STARD13: variants seen among roughly 807,000 people sequenced by gnomAD.
The protein encoded by STARD13 is StAR related lipid transfer domain containing 13.
STARD13 carries 62 observed loss-of-function variants against 106.4 expected under a neutral mutation model. That is an observed-to-expected ratio of 0.58 (90% confidence interval 0.48 to 0.72). The LOEUF is 0.72. Ranked by LOEUF, STARD13 falls within the 30% of genes least tolerant of loss-of-function variation. The pLI is 0.00. For missense variants in STARD13, 1,387 were observed against 1,424.0 expected (o/e 0.97, Z 0.42); for synonymous variants, 565 against 553.0 (o/e 1.02, Z -0.31).
the STARD13 span, among the ~76,000 whole-genome samples, chr13:33,490,368 G>T: frequency 3.3e-5 from 5 of 152,210 alleles, no homozygotes; most frequent in African/African-American, 1.2e-4. Flanking sequence ...CTGTTTTCGC[G>T]CTCCTCTTTG....
chr13:33,144,692 G>A (rs1431404576), intron 3 of STARD13, among the ~76,000 whole-genome samples: 2 of 152,170 alleles, frequency 1.3e-5, no homozygotes, highest in Admixed American at 6.5e-5. Flanking sequence ...TGTTCCACGT[G>A]TGTTAGCATG....
chr13:33,112,636 TATCCATCC>T lies in STARD13; in HGVS notation c.2492+77_2492+84del. 6 of 1,082,902 alleles carry T rather than the reference TATCCATCC, an allele frequency of 5.5e-6. No individual in the cohort carries two copies. In the South Asian group the frequency reaches 6.4e-5, roughly 12 times the overall value. The allele number at this position is 1,082,902 out of a possible 1,614,324, so 67.1% of individuals were successfully genotyped here. A position where few individuals can be genotyped will look rare whatever the true frequency, so the allele number is the denominator to read the frequency against. On this transcript the variant is annotated intron_variant, in intron 9 of 13. Transcript: ENST00000336934. ...ACCAATATATCCATTCGTATCTATC[TATCCATCC>T]ATCCATCCATCCAGTCTTATGAACT...
At chr13:33,392,965 C>G in the STARD13 span, among the ~76,000 whole-genome samples, 1 of 152,230 alleles carries the variant, frequency 6.6e-6, no homozygotes, top group Admixed American at 6.5e-5. Context: ...CCCTTTGTCT[C>G]TTACTTGTAA....
rs775482997 is a variant in STARD13 at position 33,130,196 on chromosome 13, T to G, written c.481A>C (p.Thr161Pro). The change falls in exon 5 of 14, where the codon ACG (threonine) becomes CCG (proline). Residue 161 changes from threonine (T) to proline (P), a missense_variant. Thr to Pro is a conservative substitution (Grantham distance 38, BLOSUM62 -1). Coordinates refer to ENST00000336934, the MANE Select transcript of STARD13 (RefSeq NM_178006.4). This position sits in a 1 kb window ranked among gnomAD's most constrained non-coding sequence, Gnocchi z 4.1. ...RRWSRVDDLY[T>P]LLPRGDRNGS... The stretch of plus-strand genomic sequence containing the variant: ...TTTCTGTCTCCTCGAGGGAGCAGCG[T>G]GTAGAGGTCGTCCACACGAGACCAC... 1 of 1,613,160 alleles carries G rather than the reference T, an allele frequency of 6.2e-7. No individual in the cohort carries two copies. Among genetic ancestry groups the G allele is most frequent in the African/African-American group, 1.3e-5 (1 of 74,920 alleles).
chr13:33,617,039 A>G, the STARD13 span, among the ~76,000 whole-genome samples: 20 of 152,356 alleles, frequency 1.3e-4, no homozygotes, highest in African/African-American at 4.8e-4. Flanking sequence ...CTATGTTATT[A>G]GTGCCATTAG....
At chr13:33,154,791 C>G (rs1881745672) in intron 3 of STARD13, among the ~76,000 whole-genome samples, 1 of 152,148 alleles carries the variant, frequency 6.6e-6, no homozygotes, top group South Asian at 2.1e-4. Context: ...CTAGTGAGAA[C>G]TGGTCCAGCT....
intron 1 of STARD13, among the ~76,000 whole-genome samples, chr13:33,292,220 C>T (rs543621982): frequency 1.3e-5 from 2 of 152,060 alleles, no homozygotes; most frequent in South Asian, 4.2e-4. Context: ...AAGCAAAAAC[C>T]CAGTTACAAA....
intron 1 of STARD13, among the ~76,000 whole-genome samples, chr13:33,202,142 G>A (rs896011238): frequency 6.6e-6 from 1 of 152,170 alleles, no homozygotes; most frequent in African/African-American, 2.4e-5. Flanking sequence ...AACACAGCTA[G>A]TCACAGATAT....
chr13:33,579,184 A>T, the STARD13 span, among the ~76,000 whole-genome samples: 13 of 152,126 alleles, frequency 8.5e-5, no homozygotes, highest in Non-Finnish European at 1.5e-4. Flanking sequence ...TAATTATGTC[A>T]AAAAGACACC....
At chr13:33,417,161 A>G in the STARD13 span, among the ~76,000 whole-genome samples, 1 of 152,322 alleles carries the variant, frequency 6.6e-6, no homozygotes, top group African/African-American at 2.4e-5. Context: ...GCCAATCAAA[A>G]CCACAATGAG....
the STARD13 span, among the ~76,000 whole-genome samples, chr13:33,434,153 G>C: frequency 1.3e-5 from 2 of 152,020 alleles, no homozygotes; most frequent in African/African-American, 4.8e-5. Flanking sequence ...AGGAGTTCAA[G>C]ACCAGCCTGG....
At chr13:33,405,423 A>G in the STARD13 span, among the ~76,000 whole-genome samples, 395 of 152,340 alleles carry the variant, frequency 2.6e-3, 3 homozygotes, top group South Asian at 0.014. Context: ...GCCAGGAGCC[A>G]TTCCTTGTGT....
In STARD13 at chr13:33,180,449, A is replaced by G. The variant is rs184829332; in HGVS notation, c.170-12827T>C. 9.8e-5 allele frequency: 15 copies of G among 152,366 alleles called. 1 individual carries two copies. The highest frequency in any genetic ancestry group is 7.8e-4 in the Admixed American group (12 of 15,312). 9.4% of individuals were successfully genotyped at this position (152,366 alleles called of 1,614,324 possible). A position where few individuals can be genotyped will look rare whatever the true frequency, so the allele number is the denominator to read the frequency against. On this transcript the variant is annotated intron_variant, in intron 1 of 13. Coordinates refer to ENST00000336934, the MANE Select transcript of STARD13 (RefSeq NM_178006.4). Reference sequence around the variant, plus strand: ...CCAGGACCTTGGGAAAGAAATCTGTATCAGACATGTGGGCTTCATTAAGGG... The same window carrying G: ...CCAGGACCTTGGGAAAGAAATCTGTGTCAGACATGTGGGCTTCATTAAGGG...
intron 1 of STARD13, among the ~76,000 whole-genome samples, chr13:33,226,720 C>T (rs1888645241): frequency 1.3e-5 from 2 of 152,148 alleles, no homozygotes; most frequent in Non-Finnish European, 2.9e-5. Context: ...CAGGCATGGG[C>T]CACCACACCC....
chr13:33,510,026 C>A, the STARD13 span, among the ~76,000 whole-genome samples: 1 of 152,190 alleles, frequency 6.6e-6, no homozygotes, highest in Non-Finnish European at 1.5e-5. Flanking sequence ...TGCCCAGCAG[C>A]ATGAGATCAT....
chr13:33,389,912 T>A, the STARD13 span, among the ~76,000 whole-genome samples: 3 of 152,150 alleles, frequency 2.0e-5, no homozygotes, highest in Admixed American at 2.0e-4. Flanking sequence ...AAAGGGTTTT[T>A]AAAGCTACAC....
the STARD13 span, among the ~76,000 whole-genome samples, chr13:33,521,720 G>A: frequency 5.9e-5 from 9 of 151,980 alleles, 1 homozygote; most frequent in African/African-American, 1.9e-4. Flanking sequence ...TTTTGTGAAC[G>A]GACCGGAAAA....
chr13:33,326,711 AT>A (rs1206924742), intron 1 of STARD13, among the ~76,000 whole-genome samples: 2 of 152,220 alleles, frequency 1.3e-5, no homozygotes, highest in Non-Finnish European at 2.9e-5. Context: ...ATTCTTTTGT[AT>A]TAAAACTTGG....
the STARD13 span, among the ~76,000 whole-genome samples, chr13:33,405,288 C>G: frequency 2.6e-5 from 4 of 152,226 alleles, no homozygotes; most frequent in African/African-American, 9.6e-5. Flanking sequence ...TTATTTTCCT[C>G]CACACTTCGC....
Sources: allele counts gnomAD v4.1 joint callset (sites outside exome capture counted in the v4.1 genomes callset), GRCh38; gene constraint gnomAD v4.1.1; non-coding constraint Gnocchi (gnomAD v3.1); transcripts MANE v1.5; gene names NCBI Gene and HGNC (gene_info 2026-07-23, HGNC 2026-07-21).